Variants in ACSM5 observed in about 807,000 individuals in gnomAD.
The protein encoded by ACSM5 is acyl-coenzyme A synthetase ACSM5, mitochondrial.
A neutral mutation model predicts 71.6 loss-of-function variants in ACSM5; 56 were observed. The observed-to-expected ratio is 0.78, with a 90% CI of 0.63 to 0.98. The LOEUF is 0.98. Ranked by LOEUF, ACSM5 falls within the 50% of genes least tolerant of loss-of-function variation. ACSM5 has a pLI of 0.00. For missense variants in ACSM5, 723 were observed against 726.0 expected, an observed-to-expected ratio of 1.00 and a Z score of 0.05; for synonymous variants, 285 against 281.5, an observed-to-expected ratio of 1.01 and a Z score of -0.12.
intron 2 of ACSM5, among the ~76,000 whole-genome samples, chr16:20,416,527 G>A (rs1393639344): frequency 6.6e-6 from 1 of 152,098 alleles, no homozygotes; most frequent in Non-Finnish European, 1.5e-5. Flanking sequence ...GTGTTCACAT[G>A]CAAAAGAATT....
Position 20,440,617 on chromosome 16 carries a change from A to T in ACSM5, c.*190A>T. 1.8e-6 allele frequency: 1 copy of T among 564,446 alleles called. No individual in the cohort carries two copies. The highest frequency in any genetic ancestry group is 3.2e-6 in the Non-Finnish European group (1 of 307,724). The allele number at this position is 564,446 out of a possible 1,614,324, so 35.0% of individuals were successfully genotyped here. A position where few individuals can be genotyped will look rare whatever the true frequency, so the allele number is the denominator to read the frequency against. ...CAAAAGAATATCATTGGCCCTGATC[A>T]CATAGATGCTGCGCCGCCTAGCAAA... is the stretch of plus-strand genomic sequence containing the variant. On this transcript the variant is annotated 3_prime_UTR_variant, in exon 14 of 14. Transcript: ENST00000331849.
intron 2 of ACSM5, among the ~76,000 whole-genome samples, chr16:20,412,552 C>A (rs767009639): frequency 5.9e-5 from 9 of 151,284 alleles, no homozygotes; most frequent in African/African-American, 1.7e-4. Flanking sequence ...TCATGGTTAC[C>A]TTTTATTTGT....
At chr16:20,438,952 CT>C (rs1330996862) in intron 12 of ACSM5, among the ~76,000 whole-genome samples, 71 of 86,016 alleles carry the variant, frequency 8.3e-4, no homozygotes, top group African/African-American at 3.5e-3. Context: ...GAGACTCTGT[CT>C]TAAAAAAAAA....
chr16:20,426,176 C>A (rs1211606583), intron 6 of ACSM5, among the ~76,000 whole-genome samples: 1 of 152,168 alleles, frequency 6.6e-6, no homozygotes, highest in African/African-American at 2.4e-5. Context: ...AGATTCTTAA[C>A]CCATATTGAT....
rs1404564468 is a variant in ACSM5 at position 20,411,506 on chromosome 16, C to T, written c.22C>T (p.Leu8=). 1.2e-6 allele frequency: 2 copies of T among 1,614,124 alleles called. No individual in the cohort carries two copies. The highest frequency in any genetic ancestry group is 2.2e-5 in the East Asian group (1 of 44,886). MRPWLRH[L]VLQALRNSRA... is the part of the protein sequence containing the mutation. ...CTGCATGAGACCATGGCTGAGACAC[C>T]TAGTCCTCCAGGCACTGAGGAACTC... Residue 8 remains leucine, a synonymous_variant, in exon 2 of 14, where the codon CTA becomes TTA. Coordinates refer to ENST00000331849, the MANE Select transcript of ACSM5 (RefSeq NM_017888.3).
chr16:20,420,299 T>A (rs1254938215), intron 4 of ACSM5, among the ~76,000 whole-genome samples: 1 of 152,140 alleles, frequency 6.6e-6, no homozygotes, highest in Non-Finnish European at 1.5e-5. Flanking sequence ...GGGATCTTTT[T>A]TAAAAAAATC....
chr16:20,413,979 G>C (rs113643140), intron 2 of ACSM5, among the ~76,000 whole-genome samples: 1 of 152,044 alleles, frequency 6.6e-6, no homozygotes, highest in African/African-American at 2.4e-5. Context: ...CACAGAAATG[G>C]TTCACAAAAA....
intron 6 of ACSM5, among the ~76,000 whole-genome samples, chr16:20,427,264 C>T (rs1967000542): frequency 1.3e-5 from 2 of 152,232 alleles, no homozygotes; most frequent in South Asian, 4.2e-4. Flanking sequence ...CTTGCCACTG[C>T]ACTCCAGCCT....
intron 10 of ACSM5, among the ~76,000 whole-genome samples, chr16:20,432,138 G>A (rs1380802599): frequency 1.3e-5 from 2 of 151,876 alleles, no homozygotes; most frequent in African/African-American, 4.8e-5. Context: ...TGTTTATGTC[G>A]GGCTTTCTTT....
intron 1 of ACSM5, among the ~76,000 whole-genome samples, chr16:20,410,025 C>A (rs145785845): frequency 6.6e-6 from 1 of 152,114 alleles, no homozygotes; most frequent in Non-Finnish European, 1.5e-5. Flanking sequence ...GGAAGTGAAA[C>A]CTGAAAGTCA....
chr16:20,415,166 G>A (rs1966854081), intron 2 of ACSM5, among the ~76,000 whole-genome samples: 2 of 152,264 alleles, frequency 1.3e-5, no homozygotes, highest in Admixed American at 1.3e-4. Context: ...ACAGAGGAAA[G>A]AATTGTTAAG....
intron 2 of ACSM5, among the ~76,000 whole-genome samples, chr16:20,415,558 A>G (rs1024212321): frequency 6.6e-6 from 1 of 152,198 alleles, no homozygotes; most frequent in African/African-American, 2.4e-5. Context: ...GAGAGAGGAA[A>G]ATATAGAAGA....
rs752574548 is a variant in ACSM5, at chr16:20,411,689, G to A, written c.204+1G>A. 20 of 1,613,678 alleles carry A rather than the reference G, an allele frequency of 1.2e-5. No homozygotes were observed. The highest frequency in any genetic ancestry group is 4.4e-5 in the South Asian group (4 of 91,050). The stretch of plus-strand genomic sequence containing the variant: ...GGATGTGTGGAGTCGGCTGGAAGAG[G>A]TGAAGCCTGTTCTGTCCTAGAGTCC... On this transcript the variant is annotated splice_donor_variant, in intron 2 of 13. Transcript: ENST00000331849. LOFTEE classifies it high-confidence loss of function.
In ACSM5 at chr16:20,429,735, C is replaced by T. The variant is rs762707021; in HGVS notation, c.1059C>T (p.Asp353=). Residue 353 remains aspartate, a synonymous_variant, in exon 8 of 14, where the codon GAC becomes GAT. Coordinates refer to ENST00000331849, the MANE Select transcript of ACSM5 (RefSeq NM_017888.3). ...CCGGAGGAGAGGCCCTCAACCCTGA[C>T]GTGAGGGAGAAGTGGAAACACCAGA... ...CLTGGEALNP[D]VREKWKHQTG... 25 of 1,613,126 alleles carry T rather than the reference C, an allele frequency of 1.5e-5. No homozygotes were observed. The Admixed American group carries it at 1.7e-4, about 11-fold the overall frequency.
intron 5 of ACSM5, among the ~76,000 whole-genome samples, chr16:20,422,876 G>A (rs1966905057): frequency 6.6e-6 from 1 of 152,162 alleles, no homozygotes; most frequent in Non-Finnish European, 1.5e-5. Context: ...GCTCTAAGAG[G>A]AATGGCCTGA....
At chr16:20,421,588 C>T (rs1372524778) in intron 5 of ACSM5, among the ~76,000 whole-genome samples, 187 bp downstream of exon 5, 1 of 138,136 alleles carries the variant, frequency 7.2e-6, no homozygotes, top group African/African-American at 2.7e-5. Flanking sequence ...GGTGAAAAGC[C>T]ATGGGAGGTT....
chr16:20,438,416 G>C (rs1317121396), intron 12 of ACSM5, among the ~76,000 whole-genome samples: 2 of 151,690 alleles, frequency 1.3e-5, no homozygotes, highest in African/African-American at 4.8e-5. Context: ...ATGATTACTG[G>C]GAATGCAGCC....
At chr16:20,426,233 C>T (rs893382568) in intron 6 of ACSM5, among the ~76,000 whole-genome samples, 7 of 152,208 alleles carry the variant, frequency 4.6e-5, no homozygotes, top group Admixed American at 3.9e-4. Context: ...CCATGTAGTG[C>T]TTGATCAGCC....
intron 6 of ACSM5, among the ~76,000 whole-genome samples, chr16:20,426,218 A>G (rs1001212190): frequency 1.3e-5 from 2 of 152,230 alleles, no homozygotes; most frequent in Non-Finnish European, 2.9e-5. Context: ...CATCACCATC[A>G]TTATCCATGT....
Sources: allele counts gnomAD v4.1 joint callset (sites outside exome capture counted in the v4.1 genomes callset), GRCh38; gene constraint gnomAD v4.1.1; transcripts MANE v1.5; gene names NCBI Gene and HGNC (gene_info 2026-07-23, HGNC 2026-07-21).